Variants in COL2A1 observed in about 807,000 individuals in gnomAD.
COL2A1 encodes collagen alpha-1(II) chain.
A neutral mutation model predicts 204.5 loss-of-function variants in COL2A1; 28 were observed. The observed-to-expected ratio is 0.14, with a 90% CI of 0.10 to 0.19. The LOEUF is 0.19. Ranked by LOEUF, COL2A1 falls within the 10% of genes least tolerant of loss-of-function variation. The pLI, the probability that COL2A1 is intolerant of heterozygous loss-of-function variation, is 1.00. For missense variants in COL2A1, 1,388 were observed against 2,027.5 expected, an observed-to-expected ratio of 0.68 and a Z score of 6.06; for synonymous variants, 708 against 718.7, an observed-to-expected ratio of 0.99 and a Z score of 0.24.
intron 1 of COL2A1, among the ~76,000 whole-genome samples, chr12:48,003,292 C>T (rs1481273081): frequency 6.6e-6 from 1 of 152,134 alleles, no homozygotes; most frequent in Non-Finnish European, 1.5e-5. Flanking sequence ...GACCAGCCTG[C>T]TCCCCTTCCC....
intron 12 of COL2A1, 135 bp from the exon 13 acceptor site, chr12:47,994,182 T>C: frequency 8.9e-7 from 1 of 1,129,570 alleles, no homozygotes; most frequent in Non-Finnish European, 1.3e-6. Context: ...GACAGCTCTT[T>C]CTGTAAAACC....
In COL2A1 at chr12:47,973,171, C is replaced by T. The variant is rs1452641481; in HGVS notation, c.*236G>A. The T allele has an allele frequency of 7.9e-6, 5 of 634,520 alleles. No homozygotes were observed. The highest frequency in any genetic ancestry group is 4.2e-4 in the Middle Eastern group (1 of 2,396). 39.3% of individuals were successfully genotyped at this position (634,520 alleles called of 1,614,324 possible). A position where few individuals can be genotyped will look rare whatever the true frequency, so the allele number is the denominator to read the frequency against. On this transcript the variant is annotated 3_prime_UTR_variant, in exon 54 of 54. Transcript: ENST00000380518. ...TTAGTTTCCTGCCTCTGCCTTGACC[C>T]GAAGGTCTTACAGGAAGACAATAAA...
At chr12:48,005,922 T>G (rs1388184694), upstream of COL2A1, 1 of 152,282 alleles carries the variant, frequency 6.6e-6, no homozygotes, top group Non-Finnish European at 1.5e-5. Flanking sequence ...ACACTTGTCC[T>G]GGTAGAGGCT....
chr12:47,988,044 G>A (rs74086467), intron 18 of COL2A1, among the ~76,000 whole-genome samples: 1,825 of 152,266 alleles, frequency 0.012, 42 homozygotes, highest in African/African-American at 0.041. Flanking sequence ...GTGGGCTGGG[G>A]ACCCTGCCAT....
Position 47,982,134 on chromosome 12 carries a change from C to T in COL2A1, c.2328G>A (p.Glu776=). The T allele has an allele frequency of 6.2e-7, 1 of 1,614,050 alleles. No individual in the cohort carries two copies. Among genetic ancestry groups the T allele is most frequent in the Non-Finnish European group, 8.5e-7 (1 of 1,179,938 alleles). ...DRGDVGEKGP[E]GAPGKDGGRG... ...GTCCACCATCCTTTCCAGGGGCTCC[C>T]TCAGGGCCTTTCTCACCAACGTCAC... is the stretch of plus-strand genomic sequence containing the variant. Residue 776 remains glutamate, a synonymous_variant, in exon 35 of 54, where the codon GAG becomes GAA. Coordinates refer to ENST00000380518, the MANE Select transcript of COL2A1 (RefSeq NM_001844.5).
intron 50 of COL2A1, 101 bp downstream of exon 50, chr12:47,975,862 C>T (rs1456311055): frequency 2.2e-5 from 21 of 941,906 alleles, no homozygotes; most frequent in Non-Finnish European, 3.4e-5. Context: ...TCACTGTTAG[C>T]TGCAGGCTGA....
At position 47,995,721 on chromosome 12, in the gene COL2A1, G is replaced by A; in HGVS notation, c.697C>T (p.Pro233Ser). 1.9e-6 allele frequency: 3 copies of A among 1,613,900 alleles called. No homozygotes were observed. The highest frequency in any genetic ancestry group is 1.7e-6 in the Non-Finnish European group (2 of 1,179,952). ...FQGNPGEPGE[P>S]GVSGPMGPRG... The stretch of plus-strand genomic sequence containing the variant: ...GTGCTGGTACTCACAGAGACACCAG[G>A]TTCACCAGGTTCACCAGGATTGCCT... The change falls in exon 10 of 54, where the codon CCT (proline) becomes TCT (serine). Residue 233 changes from proline to serine, a missense_variant. Pro to Ser is a moderately conservative substitution (Grantham distance 74, BLOSUM62 -1). Coordinates refer to ENST00000380518, the MANE Select transcript of COL2A1 (RefSeq NM_001844.5).
In COL2A1 at chr12:47,995,302, T is replaced by A. The variant is rs1350339086; in HGVS notation, c.715A>T (p.Met239Leu). 6.2e-7 allele frequency: 1 copy of A among 1,613,296 alleles called. No individual in the cohort carries two copies. The highest frequency in any genetic ancestry group is 8.5e-7 in the Non-Finnish European group (1 of 1,179,400). ...EPGEPGVSGP[M>L]GPRGPPGPPG... The stretch of plus-strand genomic sequence containing the variant: ...GGACCAGGAGGACCACGGGGACCCA[T>A]GGGACCCTACAAACAAAGGAAGATA... Residue 239 changes from methionine (M) to leucine (L), a missense_variant, in exon 11 of 54, where the codon ATG becomes TTG. Physicochemically the swap from Met to Leu is conservative, Grantham distance 15. Coordinates refer to ENST00000380518, the MANE Select transcript of COL2A1 (RefSeq NM_001844.5).
Position 47,977,520 on chromosome 12 carries a change from C to T in COL2A1, c.3165+80G>A, listed in dbSNP as rs41272747. The T allele has an allele frequency of 6.0e-3, 9,582 of 1,597,918 alleles. 41 individuals carry two copies. The highest frequency in any genetic ancestry group is 7.7e-3 in the Non-Finnish European group (8,935 of 1,166,932). On this transcript the variant is annotated intron_variant, in intron 45 of 53. Coordinates refer to ENST00000380518, the MANE Select transcript of COL2A1 (RefSeq NM_001844.5). Reference sequence around the variant, plus strand: ...TAGGCTGAGATGAGACTTGTTCCAACCTGCCACCCCCAGCTGACCTGTCAG... The same window carrying T: ...TAGGCTGAGATGAGACTTGTTCCAATCTGCCACCCCCAGCTGACCTGTCAG...
intron 1 of COL2A1, among the ~76,000 whole-genome samples, chr12:48,000,765 C>A (rs1283285591): frequency 2.6e-5 from 4 of 152,210 alleles, no homozygotes. Context: ...AGGATCTTGT[C>A]TCATTCTTTG....
Position 47,976,862 on chromosome 12 carries a change from G to A in COL2A1, c.3385C>T (p.Leu1129=), listed in dbSNP as rs745633496. Residue 1129 remains leucine, a synonymous_variant, in exon 48 of 54, where the codon CTG becomes TTG. Coordinates refer to ENST00000380518, the MANE Select transcript of COL2A1 (RefSeq NM_001844.5). This position sits in a 1 kb window ranked among gnomAD's most constrained non-coding sequence, Gnocchi z 4.3. ...CCAGTGAAGCCACGGTGTCCCTTCA[G>A]GCCTCTCTCGCCAGGCTCTCCAGCC... is the stretch of plus-strand genomic sequence containing the variant. ...GEAGEPGERG[L]KGHRGFTGLQ... is the part of the protein sequence containing the mutation. 1.3e-4 allele frequency: 205 copies of A among 1,612,938 alleles called. No individual in the cohort carries two copies. In the East Asian group the frequency reaches 4.5e-3, roughly 35 times the overall value.
Position 47,998,190 on chromosome 12 carries a change from T to C in COL2A1, c.321A>G (p.Gly107=). 1 of 1,614,144 alleles carries C rather than the reference T, an allele frequency of 6.2e-7. No individual in the cohort carries two copies. The highest frequency in any genetic ancestry group is 8.5e-7 in the Non-Finnish European group (1 of 1,180,030). Residue 107 remains glycine (G), a synonymous_variant, in exon 4 of 54, where the codon GGA becomes GGG. Transcript: ENST00000380518. ...TTACATCCTTGATGTCTCCAGGTTC[T>C]CCTTTCTGTCCCTGAAACATGAAAC... The part of the protein sequence containing the change: ...SGQPGPKGQK[G]EPGDIKDIVG...
At chr12:47,991,754 A>G (rs1592226824) in intron 16 of COL2A1, among the ~76,000 whole-genome samples, 1 of 152,192 alleles carries the variant, frequency 6.6e-6, no homozygotes, top group Non-Finnish European at 1.5e-5. Flanking sequence ...GACTAGGGCC[A>G]CCGCAGCTCT....
In COL2A1 at chr12:47,978,659, C is replaced by T. The variant is rs886039542; in HGVS notation, c.2833G>A (p.Gly945Ser). 3 of 1,613,390 alleles carry T rather than the reference C, an allele frequency of 1.9e-6. No homozygotes were observed. The highest frequency in any genetic ancestry group is 1.7e-6 in the Non-Finnish European group (2 of 1,179,980). ...SGPPGRAGEP[G>S]LQGPAGPPGE... The stretch of plus-strand genomic sequence containing the variant: ...GGGGGTCCAGCAGGACCTTGGAGGC[C>T]GGGTTCACCAGCTCGGCCAGGGGGG... The change falls in exon 42 of 54, where the codon GGC becomes AGC. Residue 945 changes from glycine (G) to serine (S), a missense_variant. This residue lies in a region of COL2A1 where 884 missense variants were observed against 1,415.8 expected (regional missense o/e 0.62). Coordinates refer to ENST00000380518, the MANE Select transcript of COL2A1 (RefSeq NM_001844.5). The surrounding 1 kb of genome is among the most constrained non-coding windows in gnomAD (Gnocchi z 5.5).
chr12:47,984,913 C>A, intron 27 of COL2A1, 82 bp downstream of exon 27: 2 of 1,211,938 alleles, frequency 1.7e-6, no homozygotes, highest in South Asian at 1.3e-5. Context: ...AAACTCTACT[C>A]AGGACCCAGC....
At chr12:47,974,399 G>A (rs1938588820) in intron 52 of COL2A1, 68 bp from the exon 53 acceptor site, 2 of 1,593,832 alleles carry the variant, frequency 1.3e-6, no homozygotes, top group Non-Finnish European at 1.7e-6. Flanking sequence ...GGGCTGTAGG[G>A]GCTGCCAAGA....
At chr12:48,002,428 G>A (rs1312295310) in intron 1 of COL2A1, among the ~76,000 whole-genome samples, 2 of 152,136 alleles carry the variant, frequency 1.3e-5, no homozygotes, top group Non-Finnish European at 2.9e-5. Flanking sequence ...GACCCCAGGC[G>A]GGGGAAGTTA....
chr12:47,989,086 G>T (rs555947872), intron 18 of COL2A1, 142 bp downstream of exon 18: 4 of 729,998 alleles, frequency 5.5e-6, no homozygotes, highest in South Asian at 4.5e-5. Flanking sequence ...CTGCCTGGAT[G>T]GAGGGGCCAG....
Position 47,993,505 on chromosome 12 carries a change from G to A in COL2A1, c.925-3C>T, listed in dbSNP as rs1227311007. 1 of 1,613,394 alleles carries A rather than the reference G, an allele frequency of 6.2e-7. No individual in the cohort carries two copies. The highest frequency in any genetic ancestry group is 8.5e-7 in the Non-Finnish European group (1 of 1,179,456). Reference sequence around the variant, plus strand: ...TCACCCGGGGAACCACTCTCACCCTGGAAAAATGATGCACAAGGTCAGTGT... The same window carrying A: ...TCACCCGGGGAACCACTCTCACCCTAGAAAAATGATGCACAAGGTCAGTGT... On this transcript the variant is annotated splice_polypyrimidine_tract_variant and splice_region_variant and intron_variant, in intron 14 of 53. Transcript: ENST00000380518.
Sources: allele counts gnomAD v4.1 joint callset (sites outside exome capture counted in the v4.1 genomes callset), GRCh38; gene constraint gnomAD v4.1.1; regional missense constraint gnomAD v4.1.1; non-coding constraint Gnocchi (gnomAD v3.1); transcripts MANE v1.5; gene names NCBI Gene and HGNC (gene_info 2026-07-23, HGNC 2026-07-21).